The following FARP1 variants were observed in gnomAD, a reference collection of about 807,000 sequenced individuals.
FARP1 encodes FERM, ARH/RhoGEF and pleckstrin domain protein 1, also known as FERM, ARHGEF and pleckstrin domain-containing protein 1.
FARP1 carries 52 observed loss-of-function variants against 128.8 expected under a neutral mutation model. The observed-to-expected ratio is 0.40, with a 90% CI of 0.32 to 0.51. The LOEUF (loss-of-function observed/expected upper bound fraction) is 0.51. Among genes scored for constraint, FARP1 ranks in the 20% least tolerant of loss-of-function variants. The pLI is 0.45. For synonymous variants in FARP1, 580 were observed against 551.8 expected, an observed-to-expected ratio of 1.05 and a Z score of -0.72; for missense variants, 1,333 against 1,367.9, an observed-to-expected ratio of 0.97 and a Z score of 0.40.
intron 14 of FARP1, among the ~76,000 whole-genome samples, chr13:98,410,316 C>G (rs1891143556): frequency 6.6e-6 from 1 of 152,228 alleles, no homozygotes; most frequent in African/African-American, 2.4e-5. Flanking sequence ...ACCCAGCTAC[C>G]ATGTGTTCCC....
chr13:98,264,120 T>C (rs1190888979), intron 2 of FARP1, among the ~76,000 whole-genome samples: 1 of 152,200 alleles, frequency 6.6e-6, no homozygotes, highest in Non-Finnish European at 1.5e-5. Context: ...TCTGCCCTAA[T>C]GTGCTAACCT....
At position 98,152,688 on chromosome 13, in the gene FARP1, A is replaced by G. The variant is rs538250508; in HGVS notation, c.-24+9196A>G. ...CCATCTAAAGCATCATGACTGATAT[A>G]TTAATTGGGAGATTTTATCTTTCAT... On this transcript the variant is annotated intron_variant, in intron 1 of 26. Transcript: ENST00000319562. Among the ~76,000 whole-genome samples the G allele has an allele frequency of 6.6e-5, 10 of 152,302 alleles. No individual in the cohort carries two copies. In the East Asian group the frequency reaches 1.9e-3, roughly 29 times the overall value.
At chr13:98,315,351 C>T (rs1479154074) in intron 2 of FARP1, among the ~76,000 whole-genome samples, 3 of 152,122 alleles carry the variant, frequency 2.0e-5, no homozygotes, top group South Asian at 2.1e-4. Flanking sequence ...AGCAATGCCC[C>T]GCCTCTGCCT....
intron 1 of FARP1, among the ~76,000 whole-genome samples, chr13:98,163,286 C>T (rs1045146344): frequency 6.6e-6 from 1 of 151,988 alleles, no homozygotes; most frequent in Non-Finnish European, 1.5e-5. Flanking sequence ...GATGGACACA[C>T]AGAGGGGAAC....
Position 98,176,009 on chromosome 13 carries a change from G to T in FARP1, c.-24+32517G>T. 1 of 702,306 alleles carries T rather than the reference G, an allele frequency of 1.4e-6. No homozygotes were observed. Among genetic ancestry groups the T allele is most frequent in the Non-Finnish European group, 2.4e-6 (1 of 410,010 alleles). 43.5% of individuals were successfully genotyped at this position (702,306 alleles called of 1,614,324 possible). A position where few individuals can be genotyped will look rare whatever the true frequency, so the allele number is the denominator to read the frequency against. Reference sequence around the variant, plus strand: ...CCTCTTGGCTTTTGCAAATAATTCTGCAGTGAACATGGGAGTGCACATACC... The same window carrying T: ...CCTCTTGGCTTTTGCAAATAATTCTTCAGTGAACATGGGAGTGCACATACC... On this transcript the variant is annotated intron_variant, in intron 1 of 26. Transcript: ENST00000319562. The surrounding 1 kb of genome is among the most constrained non-coding windows in gnomAD (Gnocchi z 6.2).
chr13:98,435,466 T>C (rs1892217836), intron 18 of FARP1, 110 bp from the exon 19 acceptor site: 1 of 1,072,712 alleles, frequency 9.3e-7, no homozygotes, highest in South Asian at 1.7e-5. Context: ...CACCTTTGAA[T>C]ACTGTGCAGG....
chr13:98,277,623 G>A (rs1329342153), intron 2 of FARP1, among the ~76,000 whole-genome samples: 3 of 152,288 alleles, frequency 2.0e-5, no homozygotes, highest in South Asian at 2.1e-4. Context: ...CTTCGGGGAC[G>A]CCACCTTGAG....
intron 16 of FARP1, among the ~76,000 whole-genome samples, chr13:98,422,078 G>A (rs1732059497): frequency 6.6e-6 from 1 of 152,154 alleles, no homozygotes; most frequent in Non-Finnish European, 1.5e-5. Flanking sequence ...GAAGTAGAGG[G>A]TGAAAAGAGA....
intron 3 of FARP1, among the ~76,000 whole-genome samples, chr13:98,354,422 A>T (rs1269697350): frequency 6.6e-6 from 1 of 152,236 alleles, no homozygotes. Flanking sequence ...GATATGAAAC[A>T]TGGTCTTGGT....
intron 1 of FARP1, among the ~76,000 whole-genome samples, chr13:98,173,108 C>T (rs1384666928): frequency 6.6e-6 from 1 of 152,130 alleles, no homozygotes; most frequent in East Asian, 1.9e-4. Flanking sequence ...ATAAAAAAGG[C>T]AAACCGAATC....
At chr13:98,244,451 C>T in intron 2 of FARP1, 2 of 1,568,620 alleles carry the variant, frequency 1.3e-6, no homozygotes, top group African/African-American at 1.4e-5. Context: ...ACAAAAAGCG[C>T]CTTTTCAAGG....
rs1434247019 is a variant in FARP1 at position 98,294,325 on chromosome 13, TGATAA to T, written c.172-49430_172-49426del. Among the ~76,000 whole-genome samples, 9 of 152,250 alleles carry T rather than the reference TGATAA, an allele frequency of 5.9e-5. No homozygotes were observed. The East Asian group carries it at 1.7e-3, about 29-fold the overall frequency. ...GGGATGCCATGAAGGGTTCAACCAT[TGATAA>T]GATAAGGGTTCAACCATGAAGGGTT... is the stretch of plus-strand genomic sequence containing the variant. On this transcript the variant is annotated intron_variant, in intron 2 of 26. Coordinates refer to ENST00000319562, the MANE Select transcript of FARP1 (RefSeq NM_005766.4).
intron 2 of FARP1, among the ~76,000 whole-genome samples, chr13:98,291,180 G>C (rs1267677027): frequency 6.6e-6 from 1 of 152,160 alleles, no homozygotes; most frequent in East Asian, 1.9e-4. Flanking sequence ...TTTGTATGTT[G>C]TATGTATTAT....
At chr13:98,145,365 GA>G (rs1566659763) in intron 1 of FARP1, among the ~76,000 whole-genome samples, 1 of 152,156 alleles carries the variant, frequency 6.6e-6, no homozygotes, top group East Asian at 1.9e-4. Flanking sequence ...CTTTCACATT[GA>G]TATTCTCTTC....
chr13:98,338,494 T>C (rs1887832584), intron 2 of FARP1: 1 of 152,252 alleles, frequency 6.6e-6, no homozygotes, highest in Admixed American at 6.5e-5. Context: ...CTGAATCTCC[T>C]TTCTTTTGAA....
intron 21 of FARP1, 53 bp downstream of exon 21, chr13:98,439,249 C>T (rs1430600208): frequency 1.4e-5 from 18 of 1,296,946 alleles, no homozygotes; most frequent in Admixed American, 5.8e-5. Flanking sequence ...GCAGCAGGTG[C>T]GGGCGCTGCT....
intron 1 of FARP1, among the ~76,000 whole-genome samples, chr13:98,199,191 C>G (rs1879777556): frequency 6.6e-6 from 1 of 151,874 alleles, no homozygotes; most frequent in Non-Finnish European, 1.5e-5. Context: ...CCACACCATG[C>G]CATCTGCCAT....
Position 98,213,403 on chromosome 13 carries a change from T to A in FARP1, c.161T>A (p.Phe54Tyr), listed in dbSNP as rs1880853969. Reference protein sequence around the residue: ...IQMLDDTQEAFEVPQRAPGKV... With the variant: ...IQMLDDTQEAYEVPQRAPGKV... ...ATGCTGGATGACACCCAGGAGGCAT[T>A]TGAAGTTCCAGTAAGTTGGGGGCTT... Residue 54 changes from phenylalanine (F) to tyrosine (Y), a missense_variant, in exon 2 of 27, where the codon TTT becomes TAT. By Grantham distance (22) the Phe-to-Tyr change is conservative. Transcript: ENST00000319562. 1 of 1,613,724 alleles carries A rather than the reference T, an allele frequency of 6.2e-7. No homozygotes were observed. The highest frequency in any genetic ancestry group is 8.5e-7 in the Non-Finnish European group (1 of 1,179,910).
At chr13:98,431,606 C>T (rs536468440) in intron 18 of FARP1, 65 of 186,398 alleles carry the variant, frequency 3.5e-4, no homozygotes, top group Non-Finnish European at 6.2e-4. Flanking sequence ...GGATTACAGG[C>T]GCCCGCCACC....
Sources: allele counts gnomAD v4.1 joint callset (sites outside exome capture counted in the v4.1 genomes callset), GRCh38; gene constraint gnomAD v4.1.1; non-coding constraint Gnocchi (gnomAD v3.1); transcripts MANE v1.5; gene names NCBI Gene and HGNC (gene_info 2026-07-23, HGNC 2026-07-21).